The following CWH43 variants were observed in gnomAD, a reference collection of about 807,000 sequenced individuals.
The protein encoded by CWH43 is PGAP2-interacting protein.
Under a neutral mutation model 85.7 loss-of-function variants are expected in CWH43, and 91 were observed. The observed-to-expected ratio is 1.06, with a 90% CI of 0.90 to 1.26. The LOEUF (loss-of-function observed/expected upper bound fraction) is 1.26. Among genes scored for constraint, CWH43 ranks in the 50% most tolerant of loss-of-function variants. The probability of loss-of-function intolerance (pLI) is 0.00; values close to 1 mark genes in which losing one functional copy is unlikely to be tolerated. For missense variants in CWH43, 869 were observed against 839.2 expected (o/e 1.04, Z -0.44); for synonymous variants, 323 against 293.6 (o/e 1.10, Z -1.02).
chr4:49,019,141 T>C (rs1170410139), intron 9 of CWH43, among the ~76,000 whole-genome samples: 2 of 152,322 alleles, frequency 1.3e-5, no homozygotes, highest in Middle Eastern at 3.4e-3. Context: ...GACAAGAACC[T>C]GCCCTGCCAG....
intron 7 of CWH43, 78 bp from the exon 8 acceptor site, chr4:49,007,123 A>C: frequency 1.3e-6 from 2 of 1,482,430 alleles, no homozygotes; most frequent in Admixed American, 4.4e-5. Flanking sequence ...CTTTCAAGGA[A>C]CTCTCAGCTG....
rs562917137 is a variant in CWH43 at position 49,017,333 on chromosome 4, G to A, written c.1266+5G>A. On this transcript the variant is annotated splice_donor_5th_base_variant and intron_variant, in intron 9 of 15. Coordinates refer to ENST00000226432, the MANE Select transcript of CWH43 (RefSeq NM_025087.3). The stretch of plus-strand genomic sequence containing the variant: ...GAGAGAAAACTGGGCAAAGTGGTAA[G>A]TAATTAAAAACCTTGAAATAGAATT... 1.9e-6 allele frequency: 3 copies of A among 1,591,262 alleles called. No individual in the cohort carries two copies. Among genetic ancestry groups the A allele is most frequent in the East Asian group, 4.5e-5 (2 of 44,722 alleles).
chr4:49,007,379 G>T (rs1393995336), intron 8 of CWH43, 53 bp downstream of exon 8: 5 of 1,448,740 alleles, frequency 3.5e-6, no homozygotes, highest in East Asian at 2.6e-5. Context: ...AATTCTAAAC[G>T]TATGAAATTA....
At chr4:49,045,735 A>AT in intron 14 of CWH43, among the ~76,000 whole-genome samples, 1 of 152,142 alleles carries the variant, frequency 6.6e-6, no homozygotes, top group East Asian at 1.9e-4. Flanking sequence ...ATATATTTTT[A>AT]TTTTTTAAAT....
chr4:49,008,962 T>C (rs1338591087), intron 8 of CWH43, among the ~76,000 whole-genome samples: 1 of 152,210 alleles, frequency 6.6e-6, no homozygotes, highest in African/African-American at 2.4e-5. Context: ...ATGTGGGCTC[T>C]TTTTTGGTTC....
At chr4:49,049,282 T>C (rs1170496318) in intron 14 of CWH43, among the ~76,000 whole-genome samples, 2 of 152,176 alleles carry the variant, frequency 1.3e-5, no homozygotes, top group African/African-American at 2.4e-5. Context: ...CTGCTTCTGC[T>C]GGTCCTGCTC....
At chr4:49,012,597 C>T (rs914952548) in intron 8 of CWH43, among the ~76,000 whole-genome samples, 3 of 152,168 alleles carry the variant, frequency 2.0e-5, no homozygotes, top group African/African-American at 7.2e-5. Flanking sequence ...GGTTTCTCCC[C>T]ATCTTTGTGG....
chr4:49,046,811 A>T (rs1312515528), intron 14 of CWH43, among the ~76,000 whole-genome samples: 2 of 152,142 alleles, frequency 1.3e-5, no homozygotes, highest in Admixed American at 1.3e-4. Context: ...GTACACAGTG[A>T]GTTGATTCAC....
intron 13 of CWH43, 24 bp downstream of exon 13, chr4:49,038,204 C>A (rs760010660): frequency 6.7e-7 from 1 of 1,486,802 alleles, no homozygotes; most frequent in South Asian, 1.4e-5. Context: ...AATAGGATTT[C>A]TAATTTATTA....
At chr4:48,994,888 T>A in intron 5 of CWH43, 68 bp downstream of exon 5, 2 of 1,250,222 alleles carry the variant, frequency 1.6e-6, no homozygotes, top group South Asian at 1.2e-5. Flanking sequence ...GCCTCCTTTG[T>A]CAGACAGCTA....
chr4:49,061,852 C>A lies in CWH43; in HGVS notation c.2062C>A (p.His688Asn). 7.2e-7 allele frequency: 1 copy of A among 1,393,232 alleles called. No homozygotes were observed. The highest frequency in any genetic ancestry group is 9.5e-7 in the Non-Finnish European group (1 of 1,047,870). 86.3% of individuals were successfully genotyped at this position (1,393,232 alleles called of 1,614,324 possible). The change falls in exon 16 of 16, where the codon CAT becomes AAT. Residue 688 changes from histidine to asparagine, a missense_variant. His to Asn is a moderately conservative substitution (Grantham distance 68). This residue lies in a region of CWH43 where 577 missense variants were observed against 513.1 expected (regional missense o/e 1.12). Transcript: ENST00000226432. ...AGAAGGACACAATTATGAAAACAACCATCATTTTCATATGAATACTCCCAA... is the reference window on the plus strand; with the variant it reads ...AGAAGGACACAATTATGAAAACAACAATCATTTTCATATGAATACTCCCAA... ...YKEGHNYENN[H>N]HFHMNTPKYF...
chr4:49,054,338 G>A (rs1461152818), intron 15 of CWH43, among the ~76,000 whole-genome samples: 1 of 152,042 alleles, frequency 6.6e-6, no homozygotes, highest in Admixed American at 6.6e-5. Flanking sequence ...TTTATTTCTA[G>A]GCTCTCTATT....
chr4:49,032,785 CT>C, intron 12 of CWH43, 70 bp downstream of exon 12: 2 of 1,539,902 alleles, frequency 1.3e-6, no homozygotes, highest in Non-Finnish European at 1.8e-6. Context: ...ACTTTGATTT[CT>C]ATGAAATCAC....
At chr4:49,011,086 T>C (rs1407182199) in intron 8 of CWH43, among the ~76,000 whole-genome samples, 1 of 152,204 alleles carries the variant, frequency 6.6e-6, no homozygotes, top group East Asian at 1.9e-4. Flanking sequence ...TATTAAAGTC[T>C]CCTATTATTA....
intron 8 of CWH43, 155 bp from the exon 9 acceptor site, chr4:49,017,094 A>C (rs1414021916): frequency 4.0e-6 from 3 of 744,540 alleles, no homozygotes; most frequent in Non-Finnish European, 7.3e-6. Context: ...GCTCCCCAAG[A>C]CTCTTCTTCC....
chr4:49,030,553 A>T (rs1784063271), intron 10 of CWH43, among the ~76,000 whole-genome samples: 1 of 152,166 alleles, frequency 6.6e-6, no homozygotes, highest in South Asian at 2.1e-4. Context: ...ATTATTTGAA[A>T]TTTTGGGAAT....
intron 13 of CWH43, among the ~76,000 whole-genome samples, chr4:49,040,249 G>A (rs1476208936): frequency 6.6e-6 from 1 of 152,140 alleles, no homozygotes; most frequent in Non-Finnish European, 1.5e-5. Flanking sequence ...ATAATCCTTT[G>A]GGTATATACC....
intron 10 of CWH43, among the ~76,000 whole-genome samples, chr4:49,030,044 C>G (rs1473434500): frequency 6.6e-6 from 1 of 152,186 alleles, no homozygotes; most frequent in Non-Finnish European, 1.5e-5. Flanking sequence ...TTCTCAGTCT[C>G]TCATCCCACC....
chr4:49,044,030 T>C (rs1320951343), intron 13 of CWH43, among the ~76,000 whole-genome samples: 1 of 152,160 alleles, frequency 6.6e-6, no homozygotes, highest in Non-Finnish European at 1.5e-5. Context: ...TAAATGTTAA[T>C]AGTAAAATTC....
Sources: allele counts gnomAD v4.1 joint callset (sites outside exome capture counted in the v4.1 genomes callset), GRCh38; gene constraint gnomAD v4.1.1; regional missense constraint gnomAD v4.1.1; transcripts MANE v1.5; gene names NCBI Gene and HGNC (gene_info 2026-07-23, HGNC 2026-07-21).